PDE4D: variants seen among roughly 807,000 people sequenced by gnomAD.
PDE4D encodes the protein 3',5'-cyclic-AMP phosphodiesterase 4D.
PDE4D carries 24 observed loss-of-function variants against 87.4 expected under a neutral mutation model. The observed-to-expected ratio is 0.27, with a 90% CI of 0.20 to 0.39. The LOEUF (loss-of-function observed/expected upper bound fraction) is 0.39. PDE4D is among the 10% of genes least tolerant of loss of function. The pLI is 1.00. For synonymous variants in PDE4D, 384 were observed against 383.2 expected, an observed-to-expected ratio of 1.00 and a Z score of -0.02; for missense variants, 714 against 1,041.0, an observed-to-expected ratio of 0.69 and a Z score of 4.32.
intron 1 of PDE4D, among the ~76,000 whole-genome samples, chr5:60,383,961 C>T (rs1762036128): frequency 6.6e-6 from 1 of 152,172 alleles, no homozygotes; most frequent in African/African-American, 2.4e-5. Context: ...GTTGAAGCTA[C>T]TGTAATAGCT....
In PDE4D at chr5:59,172,035, ATT is replaced by A. The variant is rs1561622632; in HGVS notation, c.808+8558_808+8559del. On this transcript the variant is annotated intron_variant, in intron 5 of 14. Transcript: ENST00000340635. ...TATATTATATATATAATAAATATATATTATATATATAATATATATATATTATA... is the reference window on the plus strand; with the variant it reads ...TATATTATATATATAATAAATATATAATATATATAATATATATATATTATA... Among the ~76,000 whole-genome samples, 11 of 8,160 alleles carry A rather than the reference ATT, an allele frequency of 1.3e-3. 4 individuals are homozygous for A. The highest frequency in any genetic ancestry group is 8.4e-3 in the African/African-American group (9 of 1,076). 5.4% of individuals were successfully genotyped at this position (8,160 alleles called of 152,430 possible).
At chr5:59,484,951 A>G (rs181263113) in intron 1 of PDE4D, among the ~76,000 whole-genome samples, 11 of 152,330 alleles carry the variant, frequency 7.2e-5, no homozygotes, top group Non-Finnish European at 1.3e-4. Context: ...ACTCAAGCTA[A>G]TAAACCAATT....
chr5:60,496,830 C>G (rs1419607312), intron 1 of PDE4D, among the ~76,000 whole-genome samples: 1 of 152,190 alleles, frequency 6.6e-6, no homozygotes, highest in Non-Finnish European at 1.5e-5. Context: ...TTTAAATTAA[C>G]AACTTCCCAT....
chr5:60,424,425 C>T (rs2150096541), intron 1 of PDE4D, among the ~76,000 whole-genome samples: 1 of 152,274 alleles, frequency 6.6e-6, no homozygotes, highest in South Asian at 2.1e-4. Context: ...GAACCAATGA[C>T]AAAAACCACA....
intron 2 of PDE4D, among the ~76,000 whole-genome samples, chr5:59,199,975 T>C (rs895420197): frequency 2.7e-5 from 4 of 150,926 alleles, no homozygotes; most frequent in Admixed American, 1.3e-4. Context: ...GGCACATACA[T>C]ACATATATAC....
At chr5:59,717,410 T>G (rs993440668) in intron 1 of PDE4D, among the ~76,000 whole-genome samples, 3 of 152,224 alleles carry the variant, frequency 2.0e-5, no homozygotes, top group African/African-American at 7.2e-5. Flanking sequence ...CAACTCACTG[T>G]AACCTTATCT....
At chr5:60,211,619 T>C (rs1212909610) in intron 1 of PDE4D, among the ~76,000 whole-genome samples, 1 of 151,246 alleles carries the variant, frequency 6.6e-6, no homozygotes, top group South Asian at 2.1e-4. Context: ...AACATTTTTA[T>C]ATATTTTTTC....
intron 1 of PDE4D, among the ~76,000 whole-genome samples, chr5:60,456,661 TGACCAAACAGA>T (rs1561277439): frequency 6.6e-6 from 1 of 152,200 alleles, no homozygotes; most frequent in African/African-American, 2.4e-5. Flanking sequence ...TTACTCTCAG[TGACCAAACAGA>T]GAGTAAAGTT....
intron 2 of PDE4D, among the ~76,000 whole-genome samples, chr5:60,067,288 T>C (rs1000534804): frequency 2.6e-5 from 4 of 152,030 alleles, no homozygotes; most frequent in African/African-American, 9.7e-5. Context: ...GGAAGAAAGA[T>C]TGGACTGGCC....
intron 1 of PDE4D, among the ~76,000 whole-genome samples, chr5:60,348,586 G>A (rs1189303467): frequency 2.6e-5 from 4 of 152,074 alleles, no homozygotes; most frequent in Non-Finnish European, 5.9e-5. Flanking sequence ...ATATACATTA[G>A]AGTTGAAAAT....
rs77137340 is a variant in PDE4D, at chr5:60,118,049, C to T, written c.42+67508G>A. 4.5e-3 allele frequency among the ~76,000 whole-genome samples: 684 copies of T among 152,248 alleles called. 4 individuals carry two copies. Among genetic ancestry groups the T allele is most frequent in the Non-Finnish European group, 7.0e-3 (478 of 68,020 alleles). The stretch of plus-strand genomic sequence containing the variant: ...TATCTTGTGGCAATTTAACCACATT[C>T]TCCTGAAAATCACTCCTTTTGTTGT... On this transcript the variant is annotated intron_variant, in intron 2 of 16. Transcript: ENST00000502484.
chr5:59,801,050 G>A (rs1250889511), intron 1 of PDE4D, among the ~76,000 whole-genome samples: 2 of 152,024 alleles, frequency 1.3e-5, no homozygotes, highest in Non-Finnish European at 2.9e-5. Context: ...TCTTTGATCT[G>A]GGTTGAATAA....
At chr5:59,473,038 C>T (rs146534190) in intron 1 of PDE4D, among the ~76,000 whole-genome samples, 1 of 145,804 alleles carries the variant, frequency 6.9e-6, no homozygotes, top group East Asian at 2.0e-4. Context: ...AGGTTCATGG[C>T]CTTTAATATA....
In PDE4D at chr5:60,454,873, G is replaced by A. The variant is rs927282469; in HGVS notation, c.-90+33069C>T. Among the ~76,000 whole-genome samples the A allele has an allele frequency of 9.2e-5, 14 of 152,058 alleles. No individual in the cohort carries two copies. The South Asian group carries it at 1.5e-3, about 16-fold the overall frequency. ...GTAGATATAAACACAAAGACGAAGC[G>A]GCACATACATGAGCGGGGAGTGTAA... is the stretch of plus-strand genomic sequence containing the variant. On this transcript the variant is annotated intron_variant, in intron 1 of 16. Coordinates refer to the PDE4D transcript ENST00000502484.
intron 1 of PDE4D, among the ~76,000 whole-genome samples, chr5:60,274,143 A>C (rs990752933): frequency 8.6e-5 from 13 of 150,522 alleles, no homozygotes; most frequent in African/African-American, 3.0e-4. Context: ...ACCTTGAAAG[A>C]TGGTGAGTCA....
intron 1 of PDE4D, among the ~76,000 whole-genome samples, chr5:59,651,341 A>G (rs1029969451): frequency 6.6e-6 from 1 of 150,508 alleles, no homozygotes; most frequent in African/African-American, 2.4e-5. Context: ...AAATCAATAG[A>G]CTGTTTCATT....
At chr5:60,439,604 T>C (rs411255) in intron 1 of PDE4D, among the ~76,000 whole-genome samples, 58,483 of 152,050 alleles carry the variant, frequency 0.38, 11,912 homozygotes, top group South Asian at 0.59. Context: ...ACAACATCCA[T>C]GTAGATGTTT....
chr5:60,236,776 G>T (rs1186020835), intron 1 of PDE4D, among the ~76,000 whole-genome samples: 2 of 151,916 alleles, frequency 1.3e-5, no homozygotes, highest in African/African-American at 4.8e-5. Flanking sequence ...GACAGAGGAA[G>T]GGGAGCCATG....
intron 1 of PDE4D, among the ~76,000 whole-genome samples, chr5:59,507,860 C>T (rs1582909521): frequency 6.6e-6 from 1 of 152,100 alleles, no homozygotes; most frequent in Non-Finnish European, 1.5e-5. Context: ...GGGGCTTCTA[C>T]AGCTTAGCAA....
Sources: allele counts gnomAD v4.1 joint callset (sites outside exome capture counted in the v4.1 genomes callset), GRCh38; gene constraint gnomAD v4.1.1; transcripts MANE v1.5; gene names NCBI Gene and HGNC (gene_info 2026-07-23, HGNC 2026-07-21).